VAMP7: variants seen among roughly 807,000 people sequenced by gnomAD.
VAMP7 encodes vesicle associated membrane protein 7, also known as vesicle-associated membrane protein 7.
In VAMP7, 14 loss-of-function variants were observed where a neutral mutation model predicts 29.6. That is an observed-to-expected ratio of 0.47 (90% CI 0.31 to 0.74). The LOEUF (loss-of-function observed/expected upper bound fraction) is 0.74, where lower values mean the gene tolerates loss of function less well. VAMP7 is among the 30% of genes least tolerant of loss of function. The probability of loss-of-function intolerance (pLI) is 0.05; values close to 1 mark genes in which losing one functional copy is unlikely to be tolerated. For synonymous variants in VAMP7, 95 were observed against 88.1 expected, an observed-to-expected ratio of 1.08 and a Z score of -0.44; for missense variants, 223 against 262.4, an observed-to-expected ratio of 0.85 and a Z score of 1.04.
At chrX:155,925,797 G>C (rs757589033) in intron 6 of VAMP7, among the ~76,000 whole-genome samples, 1 of 152,270 alleles carries the variant, frequency 6.6e-6, no homozygotes, top group African/African-American at 2.4e-5. Context: ...TGAATAGAAT[G>C]GGAGGCAGGT....
At position 155,889,491 on chromosome X, in the gene VAMP7, G is replaced by A. The variant is rs1374161238; in HGVS notation, c.25G>A (p.Ala9Thr). 6.2e-7 allele frequency: 1 copy of A among 1,613,566 alleles called. No individual in the cohort carries two copies. Among genetic ancestry groups the A allele is most frequent in the Admixed American group, 1.7e-5 (1 of 59,972 alleles). MAILFAVVARGTTILAKHA... is the reference protein window; with the variant it reads MAILFAVVTRGTTILAKHA... ...CATGGCGATTCTTTTTGCTGTTGTT[G>A]CCAGGGGGACCACTATCCTTGCCAA... The change falls in exon 2 of 8, where the codon GCC (alanine) becomes ACC (threonine). Residue 9 changes from alanine to threonine, a missense_variant. Coordinates refer to ENST00000286448, the MANE Select transcript of VAMP7 (RefSeq NM_005638.6).
At chrX:155,919,232 G>C (rs936088007) in intron 5 of VAMP7, among the ~76,000 whole-genome samples, 1 of 152,032 alleles carries the variant, frequency 6.6e-6, no homozygotes, top group African/African-American at 2.4e-5. Flanking sequence ...TTTGTTGGGA[G>C]ACTTTATTAC....
At chrX:155,909,469 C>CT (rs2066202590) in intron 5 of VAMP7, among the ~76,000 whole-genome samples, 1 of 152,070 alleles carries the variant, frequency 6.6e-6, no homozygotes. Context: ...TTTCTGTTCT[C>CT]TATTTAATTT....
At chrX:155,886,218 G>C (rs957581428) in intron 1 of VAMP7, among the ~76,000 whole-genome samples, 2 of 152,112 alleles carry the variant, frequency 1.3e-5, no homozygotes, top group African/African-American at 2.4e-5. Flanking sequence ...CTAACTTCAA[G>C]TGCAGTGTTC....
At chrX:155,891,997 T>C (rs1421907859) in intron 2 of VAMP7, among the ~76,000 whole-genome samples, 2 of 152,212 alleles carry the variant, frequency 1.3e-5, no homozygotes, top group African/African-American at 4.8e-5. Context: ...AGTCGTCCTT[T>C]TAGAGGCAAG....
At chrX:155,923,245 C>T (rs1392459846) in intron 6 of VAMP7, among the ~76,000 whole-genome samples, 2 of 151,924 alleles carry the variant, frequency 1.3e-5, no homozygotes, top group Non-Finnish European at 2.9e-5. Context: ...TTTACCCATG[C>T]AGCTACCATT....
At chrX:155,939,868 A>G (rs1237146048) in intron 7 of VAMP7, 75 bp downstream of exon 7, 3 of 1,202,870 alleles carry the variant, frequency 2.5e-6, no homozygotes, top group East Asian at 2.3e-5. Context: ...TTATTTCTCA[A>G]TGATTAACAC....
At chrX:155,887,756 C>G (rs151267002) in intron 1 of VAMP7, among the ~76,000 whole-genome samples, 1 of 151,334 alleles carries the variant, frequency 6.6e-6, no homozygotes, top group South Asian at 2.1e-4. Context: ...TGGTGAAACC[C>G]TGTCTGTACA....
At chrX:155,924,329 G>T (rs749276729) in intron 6 of VAMP7, among the ~76,000 whole-genome samples, 1 of 152,074 alleles carries the variant, frequency 6.6e-6, no homozygotes, top group African/African-American at 2.4e-5. Context: ...TTTTTAAAGT[G>T]CACAATTCAG....
Position 155,942,491 on chromosome X carries a change from T to G in VAMP7, c.*540T>G, listed in dbSNP as rs2066761035. 3.9e-6 allele frequency: 1 copy of G among 256,912 alleles called. No individual in the cohort carries two copies. The highest frequency in any genetic ancestry group is 7.5e-6 in the Non-Finnish European group (1 of 133,938). The allele number at this position is 256,912 out of a possible 1,614,324, so 15.9% of individuals were successfully genotyped here. A position where few individuals can be genotyped will look rare whatever the true frequency, so the allele number is the denominator to read the frequency against. ...CTCAGACAAGTAAAGTATGAAACAT[T>G]CTTATTTCAGTTAGATGGGGAACAT... is the stretch of plus-strand genomic sequence containing the variant. On this transcript the variant is annotated 3_prime_UTR_variant, in exon 8 of 8. Coordinates refer to ENST00000286448, the MANE Select transcript of VAMP7 (RefSeq NM_005638.6).
intron 6 of VAMP7, among the ~76,000 whole-genome samples, chrX:155,936,455 G>A (rs2066657965): frequency 6.6e-6 from 1 of 152,214 alleles, no homozygotes; most frequent in Non-Finnish European, 1.5e-5. Flanking sequence ...AGACTGCTGT[G>A]CTAGCAATGA....
chrX:155,914,022 CCT>C (rs762893807), intron 5 of VAMP7, among the ~76,000 whole-genome samples: 433 of 152,226 alleles, frequency 2.8e-3, no homozygotes, highest in African/African-American at 9.1e-3. Context: ...TCATTTGTGT[CCT>C]CTCTTATTTC....
chrX:155,933,943 T>G lies in VAMP7; in HGVS notation c.502-5758T>G, dbSNP rs780561315. ...TCAAAGAACATGTTTATTTCTGCAT[T>G]CATTTCGTTATGTACCCAGTAGTCA... On this transcript the variant is annotated intron_variant, in intron 6 of 7. Transcript: ENST00000286448. Among the ~76,000 whole-genome samples the G allele has an allele frequency of 1.7e-3, 257 of 152,340 alleles. 3 individuals are homozygous for G. The highest frequency in any genetic ancestry group is 5.9e-3 in the African/African-American group (246 of 41,570).
chrX:155,924,329 G>A (rs749276729), intron 6 of VAMP7, among the ~76,000 whole-genome samples: 97 of 152,192 alleles, frequency 6.4e-4, no homozygotes, highest in African/African-American at 2.3e-3. Flanking sequence ...TTTTTAAAGT[G>A]CACAATTCAG....
At chrX:155,897,840 GA>G (rs1487497847) in intron 3 of VAMP7, among the ~76,000 whole-genome samples, 1 of 152,092 alleles carries the variant, frequency 6.6e-6, no homozygotes, top group Non-Finnish European at 1.5e-5. Context: ...TCAAGAAGTT[GA>G]TAACCTAGGT....
intron 4 of VAMP7, among the ~76,000 whole-genome samples, chrX:155,899,341 C>T (rs2066028608): frequency 6.6e-6 from 1 of 151,848 alleles, no homozygotes; most frequent in Non-Finnish European, 1.5e-5. Context: ...AATGGTATCT[C>T]ATTGTGGTTT....
chrX:155,941,944 A>G lies in VAMP7; in HGVS notation c.656A>G (p.Lys219Arg). Residue 219 changes from lysine to arginine, a missense_variant, in exon 8 of 8, where the codon AAG becomes AGG. Coordinates refer to ENST00000286448, the MANE Select transcript of VAMP7 (RefSeq NM_005638.6). ...CGGFTWPSCV[K>R]K ...GGATTTACATGGCCAAGCTGTGTGA[A>G]GAAATAGGAAAGAAGAAGTTACCAT... is the stretch of plus-strand genomic sequence containing the variant. The G allele has an allele frequency of 6.2e-7, 1 of 1,613,810 alleles. No homozygotes were observed. The highest frequency in any genetic ancestry group is 1.1e-5 in the South Asian group (1 of 91,050).
chrX:155,890,893 T>C (rs908440727), intron 2 of VAMP7, among the ~76,000 whole-genome samples: 3 of 152,188 alleles, frequency 2.0e-5, no homozygotes, highest in African/African-American at 7.2e-5. Flanking sequence ...TAAGCTACTA[T>C]GAGAGAGACC....
intron 6 of VAMP7, among the ~76,000 whole-genome samples, chrX:155,923,370 T>C (rs777366680): frequency 2.0e-5 from 3 of 152,066 alleles, no homozygotes; most frequent in African/African-American, 7.2e-5. Flanking sequence ...TGTGTAGGTC[T>C]ACTGGAAATG....
Sources: allele counts gnomAD v4.1 joint callset (sites outside exome capture counted in the v4.1 genomes callset), GRCh38; gene constraint gnomAD v4.1.1; transcripts MANE v1.5; gene names NCBI Gene and HGNC (gene_info 2026-07-23, HGNC 2026-07-21).